FLYWCH1: variants seen among roughly 807,000 people sequenced by gnomAD.
FLYWCH1 encodes FLYWCH-type zinc finger 1, also known as FLYWCH-type zinc finger-containing protein 1.
A neutral mutation model predicts 66.4 loss-of-function variants in FLYWCH1; 75 were observed. The observed-to-expected ratio is 1.13, with a 90% confidence interval of 0.94 to 1.37. The LOEUF (loss-of-function observed/expected upper bound fraction) is 1.37. FLYWCH1 is among the 40% of genes most tolerant of loss of function. The pLI is 0.00. For missense variants in FLYWCH1, 1,334 were observed against 1,001.8 expected, an observed-to-expected ratio of 1.33 and a Z score of -4.48; for synonymous variants, 595 against 429.9, an observed-to-expected ratio of 1.38 and a Z score of -4.75.
chr16:2,916,535 G>T (rs535568762), intron 2 of FLYWCH1, among the ~76,000 whole-genome samples: 1 of 151,596 alleles, frequency 6.6e-6, no homozygotes, highest in Non-Finnish European at 1.5e-5. Flanking sequence ...TACTCTGGAG[G>T]CTGAGGCCGG....
rs542520783 is a variant in FLYWCH1 at position 2,932,140 on chromosome 16, C to G, written c.797-990C>G. Among the ~76,000 whole-genome samples the G allele has an allele frequency of 3.6e-3, 420 of 118,142 alleles. 3 individuals carry two copies. The highest frequency in any genetic ancestry group is 5.3e-3 in the Non-Finnish European group (303 of 57,516). The allele number at this position is 118,142 out of a possible 152,430, so 77.5% of individuals were successfully genotyped here. A position where few individuals can be genotyped will look rare whatever the true frequency, so the allele number is the denominator to read the frequency against. On this transcript the variant is annotated intron_variant, in intron 4 of 9. Coordinates refer to ENST00000253928, the MANE Select transcript of FLYWCH1 (RefSeq NM_001308068.2). ...CTCAAAAAAAAAAAAAAAAAATTAG[C>G]TGGGCGTGGAGGCGCCTGCAATCCC...
At chr16:2,926,424 G>T (rs750197960) in intron 2 of FLYWCH1, among the ~76,000 whole-genome samples, 2 of 152,210 alleles carry the variant, frequency 1.3e-5, no homozygotes, top group African/African-American at 2.4e-5. Flanking sequence ...AATAGATTGT[G>T]AAGAAGACAA....
chr16:2,940,647 G>C (rs1167114385), intron 9 of FLYWCH1, among the ~76,000 whole-genome samples: 1 of 152,144 alleles, frequency 6.6e-6, no homozygotes, highest in East Asian at 1.9e-4. Context: ...TGGTGGCCAG[G>C]CTGAGTCTCA....
rs772616446 is a variant in FLYWCH1, at chr16:2,933,183, G to C, written c.850G>C (p.Val284Leu). The change falls in exon 5 of 10, where the codon GTA becomes CTA. Residue 284 changes from valine (V) to leucine (L), a missense_variant. Transcript: ENST00000253928. Reference protein sequence around the residue: ...LRTCYGGSFLVHESFLYKREK... With the variant: ...LRTCYGGSFLLHESFLYKREK... ...GACGTGCTACGGGGGCAGCTTCCTG[G>C]TACACGAGTCGTTCCTCTACAAGCG... 2 of 1,613,748 alleles carry C rather than the reference G, an allele frequency of 1.2e-6. No individual in the cohort carries two copies. The highest frequency in any genetic ancestry group is 1.1e-5 in the South Asian group (1 of 91,072).
intron 6 of FLYWCH1, chr16:2,934,642 T>G (rs1263144776): frequency 4.4e-6 from 2 of 456,778 alleles, no homozygotes; most frequent in South Asian, 3.1e-5. Context: ...CAGTGGCTCT[T>G]CCGGATCCTG....
chr16:2,944,116 A>G (rs1391255186), intron 9 of FLYWCH1, among the ~76,000 whole-genome samples: 1 of 151,594 alleles, frequency 6.6e-6, no homozygotes, highest in Non-Finnish European at 1.5e-5. Flanking sequence ...GTAGAGCACG[A>G]CAGCTCCCAC....
chr16:2,922,551 T>G (rs1030207372), intron 2 of FLYWCH1: 5 of 283,304 alleles, frequency 1.8e-5, no homozygotes, highest in South Asian at 1.7e-4. Flanking sequence ...CTCATACAAG[T>G]GGAATCAGAC....
chr16:2,930,394 C>T lies in FLYWCH1; in HGVS notation c.326-16C>T. 1 of 1,422,498 alleles carries T rather than the reference C, an allele frequency of 7.0e-7. No homozygotes were observed. The highest frequency in any genetic ancestry group is 1.5e-5 in the African/African-American group (1 of 68,708). The allele number at this position is 1,422,498 out of a possible 1,614,324, so 88.1% of individuals were successfully genotyped here. A position where few individuals can be genotyped will look rare whatever the true frequency, so the allele number is the denominator to read the frequency against. Reference sequence around the variant, plus strand: ...TTTGCTCTAGCTTAGCTAACCTAGCCTTCCCGTTCCCCCAGCAGCCCCTCA... The same window carrying T: ...TTTGCTCTAGCTTAGCTAACCTAGCTTTCCCGTTCCCCCAGCAGCCCCTCA... On this transcript the variant is annotated splice_polypyrimidine_tract_variant and intron_variant, in intron 3 of 9. Coordinates refer to ENST00000253928, the MANE Select transcript of FLYWCH1 (RefSeq NM_001308068.2).
intron 2 of FLYWCH1, chr16:2,922,692 G>A: frequency 4.2e-6 from 2 of 478,884 alleles, no homozygotes; most frequent in South Asian, 3.2e-5. Flanking sequence ...CACACCCAAA[G>A]CATCCTGATC....
At chr16:2,937,614 T>C (rs2071070015) in intron 7 of FLYWCH1, among the ~76,000 whole-genome samples, 1 of 152,080 alleles carries the variant, frequency 6.6e-6, no homozygotes, top group Admixed American at 6.5e-5. Context: ...CTCAGCTCTC[T>C]AGAGGAAGAG....
intron 2 of FLYWCH1, among the ~76,000 whole-genome samples, chr16:2,925,435 C>T (rs1383067148): frequency 3.9e-5 from 6 of 151,920 alleles, no homozygotes; most frequent in Non-Finnish European, 7.4e-5. Flanking sequence ...CCCGGTCCCA[C>T]CCAGTGCCAT....
chr16:2,936,734 G>T (rs188577263), intron 6 of FLYWCH1: 1 of 478,980 alleles, frequency 2.1e-6, no homozygotes, highest in Non-Finnish European at 4.1e-6. Context: ...AGCCCCATCC[G>T]GCTCCTGAGC....
In FLYWCH1 at chr16:2,950,083, G is replaced by A. The variant is rs35507793; in HGVS notation, c.*1356G>A. On this transcript the variant is annotated 3_prime_UTR_variant, in exon 10 of 10. Transcript: ENST00000253928. ...GCAGGACATTTGCGTCGTGTTGCTG[G>A]AAGAGGCAGGATGCTCTGTTCTCGC... The A allele has an allele frequency of 6.6e-6, 1 of 152,092 alleles. No homozygotes were observed. Among genetic ancestry groups the A allele is most frequent in the Admixed American group, 6.5e-5 (1 of 15,278 alleles). 9.4% of individuals were successfully genotyped at this position (152,092 alleles called of 1,614,324 possible). A position where few individuals can be genotyped will look rare whatever the true frequency, so the allele number is the denominator to read the frequency against.
At position 2,949,038 on chromosome 16, in the gene FLYWCH1, A is replaced by G. The variant is rs1423675869; in HGVS notation, c.*311A>G. ...ACACGGACGCCCCTGCTGTACGGCCACAGCACCCCTGGGTTTGCAGAGCAC... is the reference window on the plus strand; with the variant it reads ...ACACGGACGCCCCTGCTGTACGGCCGCAGCACCCCTGGGTTTGCAGAGCAC... On this transcript the variant is annotated 3_prime_UTR_variant, in exon 10 of 10. Transcript: ENST00000253928. 2 of 419,000 alleles carry G rather than the reference A, an allele frequency of 4.8e-6. No individual in the cohort carries two copies. Among genetic ancestry groups the G allele is most frequent in the Non-Finnish European group, 8.9e-6 (2 of 224,714 alleles). The allele number at this position is 419,000 out of a possible 1,614,324, so 26.0% of individuals were successfully genotyped here. A position where few individuals can be genotyped will look rare whatever the true frequency, so the allele number is the denominator to read the frequency against.
chr16:2,932,444 G>C (rs1567335038), intron 4 of FLYWCH1, among the ~76,000 whole-genome samples: 2 of 152,024 alleles, frequency 1.3e-5, no homozygotes, highest in African/African-American at 2.4e-5. Context: ...CTGGATTGTT[G>C]TGTAAATTGC....
chr16:2,930,334 G>T, intron 3 of FLYWCH1, 76 bp from the exon 4 acceptor site: 1 of 901,002 alleles, frequency 1.1e-6, no homozygotes. Flanking sequence ...GGATCCCCAC[G>T]CCCTCCCTGG....
intron 6 of FLYWCH1, chr16:2,935,267 G>C (rs141767178): frequency 4.6e-5 from 7 of 152,616 alleles, no homozygotes; most frequent in African/African-American, 1.7e-4. Context: ...GCGGCTGACT[G>C]GGGGGTGCTC....
At chr16:2,944,739 C>T (rs940144524) in intron 9 of FLYWCH1, among the ~76,000 whole-genome samples, 1 of 151,658 alleles carries the variant, frequency 6.6e-6, no homozygotes, top group African/African-American at 2.4e-5. Flanking sequence ...GTGAGAATCG[C>T]TTAACCTGGG....
chr16:2,944,687 G>T (rs773905741), intron 9 of FLYWCH1, among the ~76,000 whole-genome samples: 13 of 151,866 alleles, frequency 8.6e-5, no homozygotes, highest in Non-Finnish European at 1.5e-4. Context: ...GCTAGGCATG[G>T]TGGCGCCAGC....
Sources: allele counts gnomAD v4.1 joint callset (sites outside exome capture counted in the v4.1 genomes callset), GRCh38; gene constraint gnomAD v4.1.1; transcripts MANE v1.5; gene names NCBI Gene and HGNC (gene_info 2026-07-23, HGNC 2026-07-21).